Variants in SDK1 observed in about 807,000 individuals in gnomAD.
SDK1 encodes the protein sidekick cell adhesion molecule 1, also known as protein sidekick-1.
Under a neutral mutation model 245.5 loss-of-function variants are expected in SDK1, and 157 were observed. That is an observed-to-expected ratio of 0.64 (90% CI 0.56 to 0.73). The LOEUF is 0.73. Ranked by LOEUF, SDK1 falls within the 30% of genes least tolerant of loss-of-function variation. SDK1 has a pLI of 0.00. For synonymous variants in SDK1, 1,647 were observed against 1,278.5 expected, an observed-to-expected ratio of 1.29 and a Z score of -6.15; for missense variants, 3,583 against 3,002.3, an observed-to-expected ratio of 1.19 and a Z score of -4.52.
At chr7:3,867,882 T>C (rs903838290) in intron 5 of SDK1, among the ~76,000 whole-genome samples, 1 of 152,256 alleles carries the variant, frequency 6.6e-6, no homozygotes, top group African/African-American at 2.4e-5. Flanking sequence ...CTCTGCTGCA[T>C]GAACATGTTC....
intron 35 of SDK1, among the ~76,000 whole-genome samples, chr7:4,196,702 T>A (rs1272698972): frequency 6.6e-6 from 1 of 152,212 alleles, no homozygotes; most frequent in Non-Finnish European, 1.5e-5. Flanking sequence ...GGGCTGGAAT[T>A]GCCTGCTGAC....
intron 29 of SDK1, among the ~76,000 whole-genome samples, chr7:4,147,110 T>C (rs1780035934): frequency 6.6e-6 from 1 of 152,182 alleles, no homozygotes; most frequent in African/African-American, 2.4e-5. Flanking sequence ...CCTGTGGGAA[T>C]GAGGACGGGA....
intron 1 of SDK1, among the ~76,000 whole-genome samples, chr7:3,609,225 T>C (rs1408061410): frequency 2.0e-5 from 3 of 152,178 alleles, no homozygotes; most frequent in African/African-American, 7.2e-5. Flanking sequence ...AACAAGAATT[T>C]AGGTGTCCTT....
chr7:3,583,326 T>G (rs1780575329), intron 1 of SDK1, among the ~76,000 whole-genome samples: 3 of 152,196 alleles, frequency 2.0e-5, no homozygotes, highest in Admixed American at 2.0e-4. Flanking sequence ...ATGTTACCAT[T>G]TAGAAACTTT....
intron 4 of SDK1, among the ~76,000 whole-genome samples, chr7:3,729,098 T>C (rs1007018639): frequency 6.6e-6 from 1 of 152,354 alleles, no homozygotes; most frequent in Non-Finnish European, 1.5e-5. Flanking sequence ...GGCAACATTG[T>C]CCTTGCCTGG....
intron 2 of SDK1, among the ~76,000 whole-genome samples, chr7:3,635,842 A>C (rs115759255): frequency 1.3e-5 from 2 of 152,064 alleles, no homozygotes; most frequent in African/African-American, 2.4e-5. Flanking sequence ...AGTGGCTGGG[A>C]TTACAGGCTC....
Position 4,049,395 on chromosome 7 carries a change from A to T in SDK1, c.2650A>T (p.Thr884Ser). 6.2e-7 allele frequency: 1 copy of T among 1,614,022 alleles called. No homozygotes were observed. The highest frequency in any genetic ancestry group is 8.5e-7 in the Non-Finnish European group (1 of 1,179,994). The change falls in exon 18 of 45, where the codon ACC (threonine) becomes TCC (serine). Residue 884 changes from threonine to serine, a missense_variant. Thr to Ser is a moderately conservative substitution (Grantham distance 58). Coordinates refer to ENST00000404826, the MANE Select transcript of SDK1 (RefSeq NM_152744.4). ...QNVQTEAVNS[T>S]TIQFLWNPPP... ...CGTGCAGACGGAAGCCGTGAACTCCACCACCATTCAGTTCCTGTGGAACCC... is the reference window on the plus strand; with the variant it reads ...CGTGCAGACGGAAGCCGTGAACTCCTCCACCATTCAGTTCCTGTGGAACCC...
chr7:3,429,765 T>C (rs1779781064), intron 1 of SDK1, among the ~76,000 whole-genome samples: 1 of 151,926 alleles, frequency 6.6e-6, no homozygotes, highest in African/African-American at 2.4e-5. Context: ...TCTGGCTTTT[T>C]TTTTTTTTGT....
intron 4 of SDK1, among the ~76,000 whole-genome samples, chr7:3,757,592 T>C (rs753854455): frequency 5.9e-5 from 9 of 152,096 alleles, no homozygotes; most frequent in Non-Finnish European, 1.0e-4. Context: ...AACTCAGGAA[T>C]AGCGAAATTG....
intron 5 of SDK1, among the ~76,000 whole-genome samples, chr7:3,891,473 G>T (rs776371980): frequency 2.6e-5 from 4 of 152,128 alleles, no homozygotes; most frequent in Admixed American, 2.0e-4. Flanking sequence ...CAAATGCCAC[G>T]GTCTATGTTA....
At chr7:3,742,086 CA>C (rs1449921530) in intron 4 of SDK1, among the ~76,000 whole-genome samples, 3 of 149,356 alleles carry the variant, frequency 2.0e-5, no homozygotes, top group African/African-American at 4.9e-5. Context: ...GGGGGGGGAG[CA>C]GTTTAAATTT....
At position 4,136,182 on chromosome 7, in the gene SDK1, C is replaced by T. The variant is rs567834705; in HGVS notation, c.4228+3759C>T. Among the ~76,000 whole-genome samples the T allele has an allele frequency of 1.4e-4, 22 of 152,226 alleles. No individual in the cohort carries two copies. In the South Asian group the frequency reaches 2.7e-3, roughly 19 times the overall value. On this transcript the variant is annotated intron_variant, in intron 28 of 44. Coordinates refer to ENST00000404826, the MANE Select transcript of SDK1 (RefSeq NM_152744.4). ...CCTGCGAGGCAGACAACGTCACTGC[C>T]GAGCCTCCTCTGTCATGCAGCATTG...
chr7:3,440,798 C>A (rs1452199399), intron 1 of SDK1, among the ~76,000 whole-genome samples: 1 of 152,076 alleles, frequency 6.6e-6, no homozygotes, highest in Non-Finnish European at 1.5e-5. Context: ...CCTCAAACTG[C>A]AAAAGTTATG....
intron 20 of SDK1, among the ~76,000 whole-genome samples, chr7:4,072,143 A>C (rs937920851): frequency 6.6e-6 from 1 of 152,218 alleles, no homozygotes; most frequent in Non-Finnish European, 1.5e-5. Context: ...AAATACCTGT[A>C]GTTAAAAGCA....
chr7:3,307,738 A>T (rs1779453482), intron 1 of SDK1, among the ~76,000 whole-genome samples: 1 of 152,218 alleles, frequency 6.6e-6, no homozygotes, highest in African/African-American at 2.4e-5. Context: ...GCTAAGTATC[A>T]GTAGGCCTCG....
At chr7:3,370,572 G>T (rs906558703) in intron 1 of SDK1, among the ~76,000 whole-genome samples, 8 of 152,264 alleles carry the variant, frequency 5.3e-5, no homozygotes, top group African/African-American at 1.9e-4. Flanking sequence ...GACTACTTGG[G>T]CCCGATATAC....
At chr7:4,261,006 T>A in intron 44 of SDK1, among the ~76,000 whole-genome samples, 1 of 152,200 alleles carries the variant, frequency 6.6e-6, no homozygotes, top group East Asian at 1.9e-4. Flanking sequence ...CAGTTTATAC[T>A]TAATGTTCGG....
chr7:4,153,469 C>T (rs1350577526), intron 30 of SDK1, among the ~76,000 whole-genome samples: 3 of 152,054 alleles, frequency 2.0e-5, no homozygotes, highest in Admixed American at 1.3e-4. Flanking sequence ...GCCTGTAATC[C>T]CAGCTACTCA....
intron 22 of SDK1, among the ~76,000 whole-genome samples, chr7:4,107,962 A>G (rs1250317513): frequency 6.6e-6 from 1 of 152,236 alleles, no homozygotes; most frequent in African/African-American, 2.4e-5. Flanking sequence ...ATAGGCTGGA[A>G]TAATATCCTC....
Sources: gnomAD v4.1 joint callset for allele counts (sites outside exome capture counted in the v4.1 genomes callset) on GRCh38, gnomAD v4.1.1 for gene constraint, MANE v1.5 for transcripts, NCBI Gene and HGNC (gene_info 2026-07-23, HGNC 2026-07-21) for gene names.